The following CADM1 variants were observed in gnomAD, a reference collection of about 807,000 sequenced individuals.
CADM1 encodes the protein TSLC-1.
Under a neutral mutation model 53.1 loss-of-function variants are expected in CADM1, and 15 were observed. The observed-to-expected ratio is 0.28, with a 90% CI of 0.19 to 0.44. The LOEUF is 0.44. CADM1 is among the 20% of genes least tolerant of loss of function. The probability of loss-of-function intolerance (pLI) is 1.00; values close to 1 mark genes in which losing one functional copy is unlikely to be tolerated. For missense variants in CADM1, 434 were observed against 611.3 expected (o/e 0.71, Z 3.06); for synonymous variants, 281 against 243.0 (o/e 1.16, Z -1.45).
At chr11:115,361,890 T>TTTTTTG (rs1555072891) in intron 1 of CADM1, among the ~76,000 whole-genome samples, 3 of 86,906 alleles carry the variant, frequency 3.5e-5, no homozygotes, top group African/African-American at 8.9e-5. Context: ...CACACCCGAG[T>TTTTTTG]TTTTGTTTTG....
At chr11:115,497,354 A>G (rs1949641715) in intron 1 of CADM1, among the ~76,000 whole-genome samples, 1 of 152,198 alleles carries the variant, frequency 6.6e-6, no homozygotes, top group African/African-American at 2.4e-5. Context: ...TAAGATAATC[A>G]CCTCATTCAA....
chr11:115,214,360 C>A, intron 7 of CADM1: 1 of 530,242 alleles, frequency 1.9e-6, no homozygotes, highest in South Asian at 2.0e-5. Context: ...CCTGAGGACA[C>A]AGCTTTCCTT....
intron 1 of CADM1, among the ~76,000 whole-genome samples, chr11:115,488,561 T>C (rs1949427546): frequency 6.6e-6 from 1 of 152,238 alleles, no homozygotes; most frequent in African/African-American, 2.4e-5. Context: ...GTTCCACCTC[T>C]ATATTCACAG....
At chr11:115,258,045 G>A (rs1326405340) in intron 1 of CADM1, among the ~76,000 whole-genome samples, 6 of 152,178 alleles carry the variant, frequency 3.9e-5, no homozygotes, top group Non-Finnish European at 8.8e-5. Context: ...TTTTATAGAT[G>A]AGGAAACTGA....
chr11:115,444,118 T>C (rs1056565658), intron 1 of CADM1, among the ~76,000 whole-genome samples: 4 of 151,034 alleles, frequency 2.6e-5, no homozygotes, highest in African/African-American at 9.7e-5. Context: ...AAGAAGAAAA[T>C]GAGTATAGCT....
chr11:115,319,855 C>T (rs1490299677), intron 1 of CADM1, among the ~76,000 whole-genome samples: 1 of 152,132 alleles, frequency 6.6e-6, no homozygotes, highest in Non-Finnish European at 1.5e-5. Context: ...GAATTAACAT[C>T]TTACCAATTT....
chr11:115,448,856 T>A (rs1391495419), intron 1 of CADM1, among the ~76,000 whole-genome samples: 1 of 152,222 alleles, frequency 6.6e-6, no homozygotes, highest in Non-Finnish European at 1.5e-5. Context: ...AAAATTACTA[T>A]AAAAATATAG....
chr11:115,174,078 A>T lies in CADM1; in HGVS notation c.*2396T>A, dbSNP rs1938902351. ...GCTTTGTTTTATTATTATTTTTTCC[A>T]ATGTGTGGGGCCTACACTTTGCAAT... On this transcript the variant is annotated 3_prime_UTR_variant, in exon 12 of 12. Transcript: ENST00000331581. 1.0e-6 allele frequency: 1 copy of T among 982,696 alleles called. No individual in the cohort carries two copies. Among genetic ancestry groups the T allele is most frequent in the Admixed American group, 6.1e-5 (1 of 16,284 alleles). 60.9% of individuals were successfully genotyped at this position (982,696 alleles called of 1,614,324 possible).
At chr11:115,401,848 C>G (rs750883566) in intron 1 of CADM1, among the ~76,000 whole-genome samples, 7 of 152,074 alleles carry the variant, frequency 4.6e-5, no homozygotes, top group Middle Eastern at 3.4e-3. Flanking sequence ...ACAAATGTAC[C>G]ACGCTGGTAG....
intron 1 of CADM1, among the ~76,000 whole-genome samples, chr11:115,277,484 C>T (rs1487465333): frequency 3.9e-5 from 6 of 152,142 alleles, no homozygotes; most frequent in Non-Finnish European, 7.3e-5. Flanking sequence ...AGTAGAAATG[C>T]TAGTTATAAA....
chr11:115,319,832 T>C (rs1166725777), intron 1 of CADM1, among the ~76,000 whole-genome samples: 1 of 152,136 alleles, frequency 6.6e-6, no homozygotes, highest in Non-Finnish European at 1.5e-5. Flanking sequence ...AGATAAACCA[T>C]GTAGATGATG....
intron 1 of CADM1, among the ~76,000 whole-genome samples, chr11:115,319,989 G>C (rs1205141588): frequency 6.6e-6 from 1 of 152,122 alleles, no homozygotes; most frequent in Non-Finnish European, 1.5e-5. Flanking sequence ...CAAAAAAATC[G>C]GCAAGTTACC....
At chr11:115,326,717 T>A (rs545879510) in intron 1 of CADM1, among the ~76,000 whole-genome samples, 1 of 152,306 alleles carries the variant, frequency 6.6e-6, no homozygotes, top group South Asian at 2.1e-4. Context: ...TTAAAGATGA[T>A]GAATATTAAA....
At chr11:115,299,043 T>C (rs1364361036) in intron 1 of CADM1, among the ~76,000 whole-genome samples, 1 of 152,210 alleles carries the variant, frequency 6.6e-6, no homozygotes, top group Admixed American at 6.5e-5. Flanking sequence ...AATCTTAAAT[T>C]GGGTTCTCTT....
intron 1 of CADM1, among the ~76,000 whole-genome samples, chr11:115,315,711 A>G (rs1944647989): frequency 2.0e-5 from 3 of 152,094 alleles, no homozygotes; most frequent in Non-Finnish European, 4.4e-5. Context: ...ACCAAACAAA[A>G]CAAAAATGGG....
At chr11:115,227,194 C>T (rs2134832240) in intron 5 of CADM1, among the ~76,000 whole-genome samples, 1 of 152,258 alleles carries the variant, frequency 6.6e-6, no homozygotes, top group Admixed American at 6.5e-5. Flanking sequence ...GAGTCACTTT[C>T]CTGCAATTAA....
At chr11:115,220,694 T>C (rs1941372545) in intron 5 of CADM1, among the ~76,000 whole-genome samples, 1 of 152,170 alleles carries the variant, frequency 6.6e-6, no homozygotes, top group Non-Finnish European at 1.5e-5. Context: ...AATCAAATAT[T>C]ATAGAAGGTC....
At chr11:115,222,916 C>A (rs78081924) in intron 5 of CADM1, among the ~76,000 whole-genome samples, 1,574 of 152,218 alleles carry the variant, frequency 0.01, 30 homozygotes, top group African/African-American at 0.036. Flanking sequence ...ATCCCTATAG[C>A]AAGATTTTCT....
At chr11:115,492,932 T>TGC in intron 1 of CADM1, among the ~76,000 whole-genome samples, 1 of 146,842 alleles carries the variant, frequency 6.8e-6, no homozygotes, top group African/African-American at 2.5e-5. Context: ...GGATATTTTA[T>TGC]ACACACACAC....
Sources: gnomAD v4.1 joint callset for allele counts (sites outside exome capture counted in the v4.1 genomes callset) on GRCh38, gnomAD v4.1.1 for gene constraint, MANE v1.5 for transcripts, NCBI Gene and HGNC (gene_info 2026-07-23, HGNC 2026-07-21) for gene names.